CDK14: variants seen among roughly 807,000 people sequenced by gnomAD.
CDK14 encodes cyclin dependent kinase 14.
CDK14 carries 34 observed loss-of-function variants against 60.7 expected under a neutral mutation model. The observed-to-expected ratio is 0.56, with a 90% CI of 0.43 to 0.75. CDK14 has a LOEUF of 0.75. CDK14 is among the 30% of genes least tolerant of loss of function. CDK14 has a pLI of 0.00. For missense variants in CDK14, 482 were observed against 564.1 expected (o/e 0.85, Z 1.47); for synonymous variants, 197 against 203.7 (o/e 0.97, Z 0.28).
At chr7:90,966,477 A>G (rs1056276616) in intron 9 of CDK14, among the ~76,000 whole-genome samples, 1 of 152,118 alleles carries the variant, frequency 6.6e-6, no homozygotes, top group Non-Finnish European at 1.5e-5. Flanking sequence ...GTTCCTCCTC[A>G]TATGCTGATT....
intron 13 of CDK14, among the ~76,000 whole-genome samples, chr7:91,114,836 T>C (rs11971991): frequency 0.073 from 11,152 of 152,230 alleles, 556 homozygotes; most frequent in African/African-American, 0.15. Flanking sequence ...AACGTGGCTG[T>C]ACTTGTAAAC....
At chr7:90,638,612 G>C (rs1363707162) in intron 2 of CDK14, among the ~76,000 whole-genome samples, 1 of 152,084 alleles carries the variant, frequency 6.6e-6, no homozygotes, top group Non-Finnish European at 1.5e-5. Flanking sequence ...ATGTGTCTTG[G>C]AGTTGCTCTT....
At chr7:90,843,997 G>A (rs1790382874) in intron 5 of CDK14, among the ~76,000 whole-genome samples, 1 of 152,056 alleles carries the variant, frequency 6.6e-6, no homozygotes, top group African/African-American at 2.4e-5. Context: ...GAGCTGCCAA[G>A]TTATGACTTT....
At position 91,172,367 on chromosome 7, in the gene CDK14, A is replaced by G. The variant is rs150551115; in HGVS notation, c.*29-34798A>G. On this transcript the variant is annotated intron_variant, in intron 14 of 14. Coordinates refer to ENST00000380050, the MANE Select transcript of CDK14 (RefSeq NM_001287135.2). ...CCTCCTAAATATTGTCTTAAAATCC[A>G]TTTTCTCTCCTCCACCCCCCATTGT... 2.5e-3 allele frequency among the ~76,000 whole-genome samples: 380 copies of G among 152,136 alleles called. 4 individuals are homozygous for G. The highest frequency in any genetic ancestry group is 8.0e-3 in the African/African-American group (333 of 41,500).
At chr7:90,861,245 G>A (rs1389385147) in intron 5 of CDK14, among the ~76,000 whole-genome samples, 6 of 152,112 alleles carry the variant, frequency 3.9e-5, no homozygotes, top group Admixed American at 3.9e-4. Flanking sequence ...TGGGAGAAGG[G>A]GTTTGGAGGA....
chr7:91,149,577 C>T lies in CDK14; in HGVS notation c.*28+31369C>T, dbSNP rs114687682. 2.1e-3 allele frequency among the ~76,000 whole-genome samples: 320 copies of T among 152,308 alleles called. 1 individual carries two copies. The highest frequency in any genetic ancestry group is 7.5e-3 in the African/African-American group (310 of 41,574). On this transcript the variant is annotated intron_variant, in intron 14 of 14. Transcript: ENST00000380050. ...ATCTTAGTGCCTTGTCAGACAGACT[C>T]TAATCTGTTAGCAATTTTAGGCTGA...
At chr7:90,746,063 A>T (rs1014686491) in intron 3 of CDK14, among the ~76,000 whole-genome samples, 1 of 152,062 alleles carries the variant, frequency 6.6e-6, no homozygotes, top group African/African-American at 2.4e-5. Context: ...CTGCAGTCTC[A>T]ACTGTTTATG....
At chr7:90,772,677 A>C (rs1176252312) in intron 4 of CDK14, among the ~76,000 whole-genome samples, 1 of 152,140 alleles carries the variant, frequency 6.6e-6, no homozygotes, top group Non-Finnish European at 1.5e-5. Context: ...AGGCCTCCCC[A>C]ACCGTGTTTC....
At chr7:90,637,734 G>T (rs1481522944) in intron 2 of CDK14, among the ~76,000 whole-genome samples, 2 of 133,312 alleles carry the variant, frequency 1.5e-5, no homozygotes, top group East Asian at 4.9e-4. Flanking sequence ...TGACAGTGGG[G>T]TGTTAAAGTC....
intron 6 of CDK14, among the ~76,000 whole-genome samples, chr7:90,889,842 T>G (rs902928747): frequency 1.3e-5 from 2 of 152,208 alleles, no homozygotes; most frequent in African/African-American, 4.8e-5. Flanking sequence ...ATGAAATAGT[T>G]TGCAGACCAT....
chr7:90,899,948 T>G (rs1247403855), intron 7 of CDK14, among the ~76,000 whole-genome samples: 1 of 152,142 alleles, frequency 6.6e-6, no homozygotes, highest in Non-Finnish European at 1.5e-5. Flanking sequence ...GAGATCAAAG[T>G]TATATCTGAT....
chr7:90,970,781 G>T (rs967382430), intron 9 of CDK14, among the ~76,000 whole-genome samples: 11 of 152,146 alleles, frequency 7.2e-5, no homozygotes, highest in South Asian at 2.1e-4. Context: ...TTAGAGTTCA[G>T]GTATTTTGGT....
At chr7:90,812,987 TGCAGAATA>T (rs1583999466) in intron 5 of CDK14, among the ~76,000 whole-genome samples, 1 of 152,330 alleles carries the variant, frequency 6.6e-6, no homozygotes, top group East Asian at 1.9e-4. Context: ...AGTATTATTA[TGCAGAATA>T]GCCAAAATCT....
chr7:91,091,520 T>TATATATATA (rs1268235380), intron 12 of CDK14, among the ~76,000 whole-genome samples: 18 of 140,914 alleles, frequency 1.3e-4, no homozygotes, highest in African/African-American at 3.0e-4. Flanking sequence ...TATATATAAA[T>TATATATATA]TAGCCAGGCA....
In CDK14 at chr7:90,639,317, C is replaced by G. The variant is rs572106921; in HGVS notation, c.123+35068C>G. On this transcript the variant is annotated intron_variant, in intron 2 of 14. Coordinates refer to ENST00000380050, the MANE Select transcript of CDK14 (RefSeq NM_001287135.2). The stretch of plus-strand genomic sequence containing the variant: ...ACAGATGGGTTTTTGGTGTGGATGT[C>G]CTTTCTGTTTGTTAGTTTTCCTTCT... Among the ~76,000 whole-genome samples, 623 of 151,960 alleles carry G rather than the reference C, an allele frequency of 4.1e-3. 3 individuals carry two copies. Among genetic ancestry groups the G allele is most frequent in the Non-Finnish European group, 5.0e-3 (340 of 67,982 alleles).
At chr7:91,145,292 G>C (rs1486766209) in intron 14 of CDK14, among the ~76,000 whole-genome samples, 1 of 151,960 alleles carries the variant, frequency 6.6e-6, no homozygotes, top group Non-Finnish European at 1.5e-5. Context: ...CTTTTTTTTA[G>C]AGGGCTGAAA....
intron 8 of CDK14, among the ~76,000 whole-genome samples, chr7:90,955,160 A>G (rs188895120): frequency 6.6e-6 from 1 of 152,284 alleles, no homozygotes; most frequent in Non-Finnish European, 1.5e-5. Context: ...AGCTTCTGCA[A>G]TAAGCATTTC....
intron 10 of CDK14, among the ~76,000 whole-genome samples, chr7:91,020,123 T>G (rs1796397609): frequency 1.3e-5 from 2 of 152,188 alleles, no homozygotes; most frequent in Admixed American, 6.5e-5. Flanking sequence ...TGCTGCCTCC[T>G]AAGTCATATG....
intron 2 of CDK14, among the ~76,000 whole-genome samples, chr7:90,629,458 C>G (rs1235142229): frequency 3.3e-5 from 5 of 152,138 alleles, no homozygotes; most frequent in Non-Finnish European, 7.3e-5. Context: ...TGTCCCTAGT[C>G]AATACTTTTA....
Sources: gnomAD v4.1 joint callset for allele counts (sites outside exome capture counted in the v4.1 genomes callset) on GRCh38, gnomAD v4.1.1 for gene constraint, MANE v1.5 for transcripts, NCBI Gene and HGNC (gene_info 2026-07-23, HGNC 2026-07-21) for gene names.